Variants in SEMA3D observed in about 807,000 individuals in gnomAD.
SEMA3D encodes the protein semaphorin 3D.
A neutral mutation model predicts 100.1 loss-of-function variants in SEMA3D; 84 were observed. The ratio of observed to expected loss-of-function variants is 0.84; its 90% confidence interval spans 0.70 to 1.01. SEMA3D has a LOEUF of 1.01. SEMA3D is among the 50% of genes least tolerant of loss of function. The pLI is 0.00. For missense variants in SEMA3D, 875 were observed against 934.1 expected, an observed-to-expected ratio of 0.94 and a Z score of 0.82; for synonymous variants, 312 against 320.7, an observed-to-expected ratio of 0.97 and a Z score of 0.29.
At chr7:85,160,694 G>C (rs1790722916) in intron 1 of SEMA3D, among the ~76,000 whole-genome samples, 1 of 152,078 alleles carries the variant, frequency 6.6e-6, no homozygotes, top group Non-Finnish European at 1.5e-5. Context: ...AAAAGGTGCA[G>C]GGAAGCTGGA....
intron 10 of SEMA3D, chr7:85,041,664 T>G (rs191106242): frequency 6.5e-6 from 1 of 152,676 alleles, no homozygotes; most frequent in Admixed American, 6.5e-5. Context: ...AAAAAATCAT[T>G]GTAGGACTTG....
At chr7:85,055,907 G>A in intron 8 of SEMA3D, 48 bp from the exon 9 acceptor site, 1 of 1,055,322 alleles carries the variant, frequency 9.5e-7, no homozygotes, top group Non-Finnish European at 1.4e-6. Flanking sequence ...AAACAATCCA[G>A]TCATCATAGT....
chr7:85,009,061 A>T (rs1206834129), intron 17 of SEMA3D, among the ~76,000 whole-genome samples: 1 of 151,730 alleles, frequency 6.6e-6, no homozygotes, highest in African/African-American at 2.4e-5. Context: ...GGAATATTCA[A>T]CTTGTTTTGT....
chr7:85,207,426 A>C, the SEMA3D span, among the ~76,000 whole-genome samples: 1 of 152,086 alleles, frequency 6.6e-6, no homozygotes, highest in Non-Finnish European at 1.5e-5. Context: ...GATTGCAGAG[A>C]AAACAGTTTG....
Position 84,999,829 on chromosome 7 carries a change from C to T in SEMA3D, c.1945G>A (p.Gly649Arg). 1.2e-6 allele frequency: 2 copies of T among 1,613,816 alleles called. No homozygotes were observed. The highest frequency in any genetic ancestry group is 1.6e-4 in the Middle Eastern group (1 of 6,062). Residue 649 changes from glycine to arginine, a missense_variant, in exon 19 of 19, where the codon GGG becomes AGG. Gly to Arg is a moderately radical substitution (Grantham distance 125). Coordinates refer to ENST00000284136, the MANE Select transcript of SEMA3D (RefSeq NM_001384900.1). ...PDERIIKTEY[G>R]LLIRSLQKKD... ...TTCTGCAAACTTCGAATCAGTAGCC[C>T]ATATTCCGTTTTGATGATTCTTTCA... is the stretch of plus-strand genomic sequence containing the variant.
chr7:85,028,219 A>G, intron 12 of SEMA3D: 1 of 678,716 alleles, frequency 1.5e-6, no homozygotes, highest in Non-Finnish European at 2.7e-6. Context: ...GGAAATTGCA[A>G]AAGTCTACCT....
rs146125156 is a variant in SEMA3D, at chr7:85,000,669, A to C, written c.1909-804T>G. On this transcript the variant is annotated intron_variant, in intron 18 of 18. Coordinates refer to ENST00000284136, the MANE Select transcript of SEMA3D (RefSeq NM_001384900.1). The stretch of plus-strand genomic sequence containing the variant: ...GGTAATGTGATTTCAAGTGTGAGAA[A>C]GCACAATGAACACAAAGAACTTCTA... Among the ~76,000 whole-genome samples, 783 of 152,348 alleles carry C rather than the reference A, an allele frequency of 5.1e-3. 9 individuals carry two copies. Among genetic ancestry groups the C allele is most frequent in the African/African-American group, 0.018 (737 of 41,580 alleles).
chr7:85,184,412 T>A (rs890021175), intron 1 of SEMA3D, among the ~76,000 whole-genome samples: 1 of 152,210 alleles, frequency 6.6e-6, no homozygotes, highest in African/African-American at 2.4e-5. Context: ...ATACAATTTT[T>A]TTTTAAGAAT....
At chr7:85,078,159 G>T (rs1166357176) in intron 5 of SEMA3D, among the ~76,000 whole-genome samples, 1 of 152,084 alleles carries the variant, frequency 6.6e-6, no homozygotes, top group African/African-American at 2.4e-5. Flanking sequence ...AGTTATCTCT[G>T]GTTAGTGTTC....
At chr7:85,043,602 C>T (rs1790922429) in intron 9 of SEMA3D, among the ~76,000 whole-genome samples, 1 of 152,182 alleles carries the variant, frequency 6.6e-6, no homozygotes, top group South Asian at 2.1e-4. Flanking sequence ...TGTGTCCCGA[C>T]CCAAATCTCA....
At chr7:85,141,446 A>G in intron 2 of SEMA3D, 1 of 985,010 alleles carries the variant, frequency 1.0e-6, no homozygotes, top group South Asian at 4.7e-5. Flanking sequence ...TAAAAAAAAG[A>G]TTGGTGTCTT....
chr7:85,066,138 G>T (rs1206101343), intron 7 of SEMA3D, among the ~76,000 whole-genome samples: 1 of 152,164 alleles, frequency 6.6e-6, no homozygotes, highest in Non-Finnish European at 1.5e-5. Context: ...GAAAGATGTT[G>T]CCATTACTGC....
intron 2 of SEMA3D, chr7:85,141,864 A>G: frequency 1.1e-6 from 1 of 907,690 alleles, no homozygotes; most frequent in Non-Finnish European, 1.3e-6. Context: ...CAGTTTATAA[A>G]GCCTTCACTG....
intron 11 of SEMA3D, 120 bp from the exon 12 acceptor site, chr7:85,037,153 G>C: frequency 1.2e-6 from 1 of 867,154 alleles, no homozygotes; most frequent in Non-Finnish European, 1.7e-6. Flanking sequence ...AATTTGATGG[G>C]TACTGTAGAC....
chr7:85,055,170 A>G (rs770880754), intron 9 of SEMA3D, among the ~76,000 whole-genome samples: 1 of 152,138 alleles, frequency 6.6e-6, no homozygotes, highest in Non-Finnish European at 1.5e-5. Flanking sequence ...AACTGATTTG[A>G]TGCATGTAAT....
the SEMA3D span, among the ~76,000 whole-genome samples, chr7:85,246,796 A>G: frequency 6.6e-6 from 1 of 151,978 alleles, no homozygotes; most frequent in African/African-American, 2.4e-5. Flanking sequence ...TTCAGGACCC[A>G]GGAGACATGT....
At chr7:85,084,906 C>T (rs933291092) in intron 4 of SEMA3D, among the ~76,000 whole-genome samples, 2 of 152,138 alleles carry the variant, frequency 1.3e-5, no homozygotes, top group Non-Finnish European at 2.9e-5. Context: ...GCTTTCTGTT[C>T]CTGTGTTAGT....
chr7:85,068,770 G>A (rs1036185777), intron 6 of SEMA3D, among the ~76,000 whole-genome samples: 2 of 151,994 alleles, frequency 1.3e-5, no homozygotes, highest in Non-Finnish European at 2.9e-5. Context: ...TAAAATTATA[G>A]TAACATAAAA....
intron 13 of SEMA3D, among the ~76,000 whole-genome samples, chr7:85,022,062 A>C (rs1029463532): frequency 2.6e-5 from 4 of 151,880 alleles, no homozygotes; most frequent in Admixed American, 6.6e-5. Context: ...ATATACTTGC[A>C]AAGAGAGGGA....
Sources: allele counts gnomAD v4.1 joint callset (sites outside exome capture counted in the v4.1 genomes callset), GRCh38; gene constraint gnomAD v4.1.1; transcripts MANE v1.5; gene names NCBI Gene and HGNC (gene_info 2026-07-23, HGNC 2026-07-21).